Variants in GPC5 observed in about 807,000 individuals in gnomAD.
GPC5 encodes glypican-5.
A neutral mutation model predicts 53.9 loss-of-function variants in GPC5; 47 were observed. That is an observed-to-expected ratio of 0.87 (90% CI 0.69 to 1.11). The LOEUF is 1.11. GPC5 is among the 50% of genes most tolerant of loss of function. GPC5 has a pLI of 0.00. For missense variants in GPC5, 748 were observed against 713.1 expected (o/e 1.05, Z -0.56); for synonymous variants, 286 against 263.3 (o/e 1.09, Z -0.84).
chr13:92,762,961 T>C (rs1875247047), intron 7 of GPC5, among the ~76,000 whole-genome samples: 2 of 152,106 alleles, frequency 1.3e-5, no homozygotes, highest in Admixed American at 1.3e-4. Flanking sequence ...TTTCCTTTTT[T>C]TTTATGATAT....
intron 2 of GPC5, among the ~76,000 whole-genome samples, chr13:91,670,571 T>C (rs774863977): frequency 6.6e-6 from 1 of 152,000 alleles, no homozygotes; most frequent in Non-Finnish European, 1.5e-5. Context: ...ATAAAGAAAA[T>C]CCATGATTTT....
chr13:91,817,406 G>A (rs2138821653), intron 5 of GPC5, among the ~76,000 whole-genome samples: 1 of 152,252 alleles, frequency 6.6e-6, no homozygotes, highest in East Asian at 1.9e-4. Flanking sequence ...AGAAGCTCAT[G>A]GAAATGCGCA....
intron 7 of GPC5, among the ~76,000 whole-genome samples, chr13:92,402,275 T>A (rs190402128): frequency 2.6e-5 from 4 of 152,268 alleles, no homozygotes; most frequent in African/African-American, 9.6e-5. Flanking sequence ...AATCACAAAA[T>A]AGCGTGTATA....
chr13:92,049,039 G>A (rs72635428), intron 6 of GPC5, among the ~76,000 whole-genome samples: 3,159 of 152,098 alleles, frequency 0.021, 77 homozygotes, highest in African/African-American at 0.054. Context: ...AAGGCCATAT[G>A]GATTTTAAGT....
At chr13:92,342,741 T>G (rs4771857) in intron 7 of GPC5, among the ~76,000 whole-genome samples, 74,868 of 151,878 alleles carry the variant, frequency 0.49, 20,660 homozygotes, top group African/African-American at 0.76. Context: ...TTTAATTCCA[T>G]CCTCTGGATT....
intron 4 of GPC5, among the ~76,000 whole-genome samples, chr13:91,743,893 G>A (rs188916428): frequency 2.0e-5 from 3 of 152,208 alleles, no homozygotes; most frequent in East Asian, 1.9e-4. Flanking sequence ...GCTCATATTT[G>A]TAGAGCTCTC....
chr13:92,157,631 G>A (rs996804501), intron 7 of GPC5, among the ~76,000 whole-genome samples: 8 of 152,142 alleles, frequency 5.3e-5, no homozygotes, highest in Non-Finnish European at 8.8e-5. Context: ...AAAGAAGTTA[G>A]GGGCTTATGT....
intron 6 of GPC5, among the ~76,000 whole-genome samples, chr13:91,938,092 C>G (rs1310798904): frequency 1.3e-5 from 2 of 152,036 alleles, no homozygotes; most frequent in Non-Finnish European, 2.9e-5. Flanking sequence ...GAGATCTATA[C>G]TAAGTGTGTT....
chr13:92,029,730 A>C (rs1433669789), intron 6 of GPC5, among the ~76,000 whole-genome samples: 4 of 152,222 alleles, frequency 2.6e-5, no homozygotes, highest in African/African-American at 9.6e-5. Flanking sequence ...CCCTGGGTTG[A>C]ATTCCCTGAA....
In GPC5 at chr13:92,120,526, C is replaced by G. The variant is rs545390904; in HGVS notation, c.1402-24304C>G. Among the ~76,000 whole-genome samples the G allele has an allele frequency of 2.0e-5, 3 of 152,240 alleles. No individual in the cohort carries two copies. In the East Asian group the frequency reaches 5.8e-4, roughly 29 times the overall value. On this transcript the variant is annotated intron_variant, in intron 6 of 7. Transcript: ENST00000377067. ...CCTGCCACTCAAAGTGCTAGGATTA[C>G]AGGTGCGAGCCACCAAGCCCAGCCT...
rs541586107 is a variant in GPC5 at position 91,950,094 on chromosome 13, A to G, written c.1401+42037A>G. Among the ~76,000 whole-genome samples, 5 of 152,214 alleles carry G rather than the reference A, an allele frequency of 3.3e-5. No individual in the cohort carries two copies. The South Asian group carries it at 6.2e-4, about 19-fold the overall frequency. On this transcript the variant is annotated intron_variant, in intron 6 of 7. Transcript: ENST00000377067. ...CTACAGAAAAATTTAAAACTTGGTC[A>G]TGGCAGGTACAGAGTTGGGCCCCAT...
chr13:92,588,588 A>G (rs1379270299), intron 7 of GPC5, among the ~76,000 whole-genome samples: 1 of 152,174 alleles, frequency 6.6e-6, no homozygotes, highest in African/African-American at 2.4e-5. Flanking sequence ...TCATCATATA[A>G]TAACACTGTT....
intron 2 of GPC5, among the ~76,000 whole-genome samples, chr13:91,566,602 A>G (rs1489734290): frequency 6.6e-6 from 1 of 152,116 alleles, no homozygotes; most frequent in East Asian, 1.9e-4. Context: ...TTTCCCAGAT[A>G]TCTGATTGAG....
At chr13:92,623,497 A>G (rs548570985) in intron 7 of GPC5, among the ~76,000 whole-genome samples, 2 of 152,324 alleles carry the variant, frequency 1.3e-5, no homozygotes, top group South Asian at 4.1e-4. Flanking sequence ...TAAAATCAAA[A>G]GTGATTTTTA....
chr13:91,517,699 G>C (rs1885576676), intron 2 of GPC5, among the ~76,000 whole-genome samples: 2 of 152,110 alleles, frequency 1.3e-5, no homozygotes, highest in African/African-American at 4.8e-5. Context: ...TTTTCATGCT[G>C]CTCATTAAGA....
chr13:91,703,874 G>T (rs1355752388), intron 3 of GPC5, among the ~76,000 whole-genome samples: 1 of 152,012 alleles, frequency 6.6e-6, no homozygotes, highest in Admixed American at 6.6e-5. Flanking sequence ...TTCAGTCTTG[G>T]TAGTTTGTAT....
chr13:91,858,984 A>T (rs971220201), intron 5 of GPC5, among the ~76,000 whole-genome samples: 1 of 150,954 alleles, frequency 6.6e-6, no homozygotes, highest in Non-Finnish European at 1.5e-5. Flanking sequence ...AATTTCTAAA[A>T]TATCAACTAT....
chr13:91,742,986 C>T (rs74855101), intron 4 of GPC5, among the ~76,000 whole-genome samples: 8 of 152,054 alleles, frequency 5.3e-5, no homozygotes, highest in South Asian at 2.1e-4. Context: ...TCTATGTAGG[C>T]GCTTTGCCGA....
chr13:91,617,005 TA>T (rs572472809), intron 2 of GPC5, among the ~76,000 whole-genome samples: 1 of 152,108 alleles, frequency 6.6e-6, no homozygotes, highest in African/African-American at 2.4e-5. Flanking sequence ...AGGTTTTTGT[TA>T]AAAAAACAAG....
Sources: allele counts gnomAD v4.1 joint callset (sites outside exome capture counted in the v4.1 genomes callset), GRCh38; gene constraint gnomAD v4.1.1; transcripts MANE v1.5; gene names NCBI Gene and HGNC (gene_info 2026-07-23, HGNC 2026-07-21).